Variants in EPHB1 observed in about 807,000 individuals in gnomAD.
EPHB1 encodes the protein EPH receptor B1.
A neutral mutation model predicts 94.4 loss-of-function variants in EPHB1; 30 were observed. That is an observed-to-expected ratio of 0.32 (90% CI 0.24 to 0.43). EPHB1 has a LOEUF of 0.43. Ranked by LOEUF, EPHB1 falls within the 20% of genes least tolerant of loss-of-function variation. The pLI is 1.00. For synonymous variants in EPHB1, 522 were observed against 489.1 expected, an observed-to-expected ratio of 1.07 and a Z score of -0.89; for missense variants, 1,055 against 1,308.3, an observed-to-expected ratio of 0.81 and a Z score of 2.99.
At chr3:135,184,275 A>C (rs1418170178) in intron 10 of EPHB1, among the ~76,000 whole-genome samples, 1 of 152,184 alleles carries the variant, frequency 6.6e-6, no homozygotes, top group Non-Finnish European at 1.5e-5. Context: ...CATGTGAGTG[A>C]AGACCCACGG....
Position 134,951,641 on chromosome 3 carries a change from G to A in EPHB1, c.394G>A (p.Ala132Thr), listed in dbSNP as rs2107715719. 3 of 1,614,050 alleles carry A rather than the reference G, an allele frequency of 1.9e-6. No homozygotes were observed. Among genetic ancestry groups the A allele is most frequent in the South Asian group, 2.2e-5 (2 of 91,078 alleles). The stretch of plus-strand genomic sequence containing the variant: ...CAAGAAGTCAGCCTTCTGGTCTGAG[G>A]CCCCCTACCTCAAAGTAGACACCAT... The part of the protein sequence containing the change: ...ATKKSAFWSE[A>T]PYLKVDTIAA... The change falls in exon 3 of 16, where the codon GCC becomes ACC. Residue 132 changes from alanine to threonine, a missense_variant. Transcript: ENST00000398015. The surrounding 1 kb of genome is among the most constrained non-coding windows in gnomAD (Gnocchi z 4.5).
At chr3:135,099,012 CAAAAAAAAAAAAAA>C (rs34508563) in intron 3 of EPHB1, among the ~76,000 whole-genome samples, 4 of 64,484 alleles carry the variant, frequency 6.2e-5, no homozygotes, top group African/African-American at 2.6e-4. Flanking sequence ...GACCCTGCCT[CAAAAAAAAAAAAAA>C]AAAAAAAAAA....
intron 1 of EPHB1, among the ~76,000 whole-genome samples, chr3:134,919,655 T>C (rs969515734): frequency 4.6e-5 from 7 of 152,094 alleles, no homozygotes; most frequent in Non-Finnish European, 7.4e-5. Context: ...TCCATGCCAA[T>C]AGGGCTGGCC....
intron 3 of EPHB1, among the ~76,000 whole-genome samples, chr3:135,054,067 AC>A (rs1226497116): frequency 3.3e-5 from 5 of 150,974 alleles, no homozygotes; most frequent in African/African-American, 1.2e-4. Context: ...ACACACACAC[AC>A]ACATAGCATT....
chr3:135,095,183 AAG>A (rs1180853985), intron 3 of EPHB1, among the ~76,000 whole-genome samples: 3 of 152,164 alleles, frequency 2.0e-5, no homozygotes, highest in African/African-American at 7.2e-5. Context: ...GGACTCCAGA[AAG>A]AGGAAAATGT....
chr3:135,119,060 AT>A (rs1200147657), intron 4 of EPHB1, among the ~76,000 whole-genome samples: 2 of 152,122 alleles, frequency 1.3e-5, no homozygotes, highest in South Asian at 2.1e-4. Context: ...CAAGACTTTT[AT>A]TTTTTGCCAA....
chr3:135,241,116 G>T, intron 12 of EPHB1, 32 bp from the exon 13 acceptor site: 3 of 1,614,072 alleles, frequency 1.9e-6, no homozygotes, highest in South Asian at 1.1e-5. Context: ...AAACCTGATT[G>T]TTGGGCTGAC....
chr3:135,212,693 T>G (rs1392188589), intron 12 of EPHB1, among the ~76,000 whole-genome samples: 1 of 152,222 alleles, frequency 6.6e-6, no homozygotes, highest in Non-Finnish European at 1.5e-5. Context: ...GTTCCTCCAG[T>G]CAGAAAGACA....
In EPHB1 at chr3:135,241,073, A is replaced by C; in HGVS notation, c.2347-75A>C. The C allele has an allele frequency of 1.9e-6, 3 of 1,572,756 alleles. No individual in the cohort carries two copies. The Admixed American group carries it at 5.0e-5, about 26-fold the overall frequency. On this transcript the variant is annotated intron_variant, in intron 12 of 15. Transcript: ENST00000398015. ...GGAGTGAGAGTTTGGAAGAATGTGC[A>C]TGCCAAGTTTTTTATTGCCTGCCTT...
chr3:134,943,635 C>A (rs77623786), intron 2 of EPHB1, among the ~76,000 whole-genome samples: 3,572 of 152,260 alleles, frequency 0.023, 64 homozygotes, highest in South Asian at 0.04. Flanking sequence ...TGACTTTGGA[C>A]CACACCCTGA....
chr3:135,189,375 G>A (rs188170566), intron 10 of EPHB1, among the ~76,000 whole-genome samples: 4 of 152,254 alleles, frequency 2.6e-5, no homozygotes, highest in East Asian at 1.9e-4. Flanking sequence ...CAGCCTGAGC[G>A]GCATGTCAGT....
At chr3:134,931,905 GTGTATATA>G (rs1186010070) in intron 2 of EPHB1, among the ~76,000 whole-genome samples, 1 of 151,982 alleles carries the variant, frequency 6.6e-6, no homozygotes, top group Non-Finnish European at 1.5e-5. Flanking sequence ...TATGTATATA[GTGTATATA>G]TGTATATGTG....
intron 12 of EPHB1, among the ~76,000 whole-genome samples, chr3:135,203,581 A>G (rs532426472): frequency 1.5e-4 from 23 of 152,180 alleles, no homozygotes; most frequent in Admixed American, 5.2e-4. Flanking sequence ...CTAACCCCTT[A>G]AAAAGTTATA....
intron 3 of EPHB1, among the ~76,000 whole-genome samples, chr3:135,097,966 C>T (rs11706065): frequency 0.22 from 34,123 of 152,202 alleles, 4,843 homozygotes; most frequent in Non-Finnish European, 0.32. Context: ...CTCCCATCCT[C>T]CCTCTGTGCC....
chr3:135,182,278 T>C (rs1019501964), intron 10 of EPHB1, among the ~76,000 whole-genome samples: 1 of 152,200 alleles, frequency 6.6e-6, no homozygotes, highest in Non-Finnish European at 1.5e-5. Flanking sequence ...TGGCAATGTT[T>C]CTCTTAGCCA....
intron 4 of EPHB1, among the ~76,000 whole-genome samples, chr3:135,111,757 G>A (rs1327250101): frequency 6.6e-6 from 1 of 152,140 alleles, no homozygotes; most frequent in Non-Finnish European, 1.5e-5. Context: ...TCAGCTCGCT[G>A]CAACCTCCAC....
intron 1 of EPHB1, among the ~76,000 whole-genome samples, chr3:134,904,681 T>C (rs775837000): frequency 2.8e-5 from 3 of 107,212 alleles, no homozygotes; most frequent in African/African-American, 1.1e-4. Flanking sequence ...GTAGCTAGTC[T>C]CTTGGAGATC....
chr3:134,940,562 C>T (rs1319482482), intron 2 of EPHB1, among the ~76,000 whole-genome samples: 1 of 152,174 alleles, frequency 6.6e-6, no homozygotes, highest in Non-Finnish European at 1.5e-5. Flanking sequence ...GGCCAGGCAC[C>T]TTCTTGCCCT....
At chr3:135,196,551 C>A (rs1198296653) in intron 11 of EPHB1, among the ~76,000 whole-genome samples, 1 of 152,148 alleles carries the variant, frequency 6.6e-6, no homozygotes, top group African/African-American at 2.4e-5. Flanking sequence ...CTACCGAACC[C>A]TGGAGCATAG....
Sources: allele counts gnomAD v4.1 joint callset (sites outside exome capture counted in the v4.1 genomes callset), GRCh38; gene constraint gnomAD v4.1.1; non-coding constraint Gnocchi (gnomAD v3.1); transcripts MANE v1.5; gene names NCBI Gene and HGNC (gene_info 2026-07-23, HGNC 2026-07-21).